Variants in RPRD1B observed in about 807,000 individuals in gnomAD.
RPRD1B encodes regulation of nuclear pre-mRNA domain containing 1B, also known as regulation of nuclear pre-mRNA domain-containing protein 1B.
Under a neutral mutation model 41.5 loss-of-function variants are expected in RPRD1B, and 11 were observed. That is an observed-to-expected ratio of 0.27 (90% CI 0.17 to 0.44). RPRD1B has a LOEUF of 0.44. Among genes scored for constraint, RPRD1B ranks in the 20% least tolerant of loss-of-function variants. The pLI, the probability that RPRD1B is intolerant of heterozygous loss-of-function variation, is 1.00. For missense variants in RPRD1B, 248 were observed against 389.9 expected, an observed-to-expected ratio of 0.64 and a Z score of 3.06; for synonymous variants, 158 against 155.6, an observed-to-expected ratio of 1.02 and a Z score of -0.12.
intron 1 of RPRD1B, among the ~76,000 whole-genome samples, chr20:38,035,324 G>C (rs1006597879): frequency 1.3e-5 from 2 of 152,228 alleles, no homozygotes; most frequent in African/African-American, 4.8e-5. Flanking sequence ...CCTATATGTG[G>C]TAGGCCTTTA....
intron 3 of RPRD1B, among the ~76,000 whole-genome samples, chr20:38,049,424 G>A (rs1600398583): frequency 7.6e-6 from 1 of 131,658 alleles, no homozygotes; most frequent in East Asian, 2.3e-4. Context: ...GGGCTGGAGT[G>A]CGGTGGTATG....
chr20:38,064,357 G>C (rs887815628), intron 5 of RPRD1B, among the ~76,000 whole-genome samples: 1 of 152,192 alleles, frequency 6.6e-6, no homozygotes, highest in Non-Finnish European at 1.5e-5. Context: ...CTGTTTGCCA[G>C]AGATACTGTG....
intron 6 of RPRD1B, chr20:38,070,756 T>C: frequency 8.3e-6 from 8 of 961,262 alleles, no homozygotes; most frequent in Non-Finnish European, 9.9e-6. Flanking sequence ...TTTTTTTTTT[T>C]TGAGACAGAC....
chr20:38,052,828 G>T (rs560144438), intron 3 of RPRD1B, among the ~76,000 whole-genome samples: 1 of 143,294 alleles, frequency 7.0e-6, no homozygotes, highest in Non-Finnish European at 1.5e-5. Context: ...CCAGCTTTAC[G>T]GTAGATGGCT....
Position 38,068,100 on chromosome 20 carries a change from G to A in RPRD1B, c.831+1844G>A, listed in dbSNP as rs115773431. The stretch of plus-strand genomic sequence containing the variant: ...AATCATTCTGGTTTTTGTAGAACTA[G>A]TGGTTTGCTGGACGCCACGAGAGGG... On this transcript the variant is annotated intron_variant, in intron 6 of 6. Transcript: ENST00000373433. Among the ~76,000 whole-genome samples, 309 of 152,344 alleles carry A rather than the reference G, an allele frequency of 2.0e-3. 2 individuals are homozygous for A. Among genetic ancestry groups the A allele is most frequent in the African/African-American group, 7.2e-3 (301 of 41,584 alleles).
intron 2 of RPRD1B, among the ~76,000 whole-genome samples, chr20:38,042,429 AG>A (rs561586020): frequency 1.3e-5 from 2 of 152,248 alleles, no homozygotes; most frequent in South Asian, 4.2e-4. Context: ...GGGGTGGAAA[AG>A]GGGGTGGGCA....
In RPRD1B at chr20:38,091,855, G is replaced by A; in HGVS notation, c.*1980G>A. 1 of 985,800 alleles carries A rather than the reference G, an allele frequency of 1.0e-6. No homozygotes were observed. The highest frequency in any genetic ancestry group is 4.7e-5 in the South Asian group (1 of 21,288). 61.1% of individuals were successfully genotyped at this position (985,800 alleles called of 1,614,324 possible). A position where few individuals can be genotyped will look rare whatever the true frequency, so the allele number is the denominator to read the frequency against. On this transcript the variant is annotated 3_prime_UTR_variant, in exon 7 of 7. Transcript: ENST00000373433. ...ACTGAGTCTCTGACCAGCAATTGGT[G>A]CATAATTATTACAGCAAAAGTTAAG...
At chr20:38,051,206 C>A (rs2074181593) in intron 3 of RPRD1B, among the ~76,000 whole-genome samples, 1 of 152,142 alleles carries the variant, frequency 6.6e-6, no homozygotes, top group Non-Finnish European at 1.5e-5. Context: ...TCACACTGTA[C>A]CCTATAAATA....
intron 2 of RPRD1B, among the ~76,000 whole-genome samples, chr20:38,040,766 C>G (rs2074058210): frequency 6.6e-6 from 1 of 152,156 alleles, no homozygotes; most frequent in Non-Finnish European, 1.5e-5. Context: ...TTGAGAGATT[C>G]AGCCTAGCAT....
rs552275646 is a variant in RPRD1B, at chr20:38,090,353, A to C, written c.*478A>C. 1.0e-6 allele frequency: 1 copy of C among 986,560 alleles called. No individual in the cohort carries two copies. The highest frequency in any genetic ancestry group is 1.1e-4 in the East Asian group (1 of 8,818). 61.1% of individuals were successfully genotyped at this position (986,560 alleles called of 1,614,324 possible). ...TGGCTTTCCCAGCTGCATCTGCCCC[A>C]AAAGGTTGTAGGCACAGCTGTCGTA... On this transcript the variant is annotated 3_prime_UTR_variant, in exon 7 of 7. Coordinates refer to ENST00000373433, the MANE Select transcript of RPRD1B (RefSeq NM_021215.4).
chr20:38,040,354 T>A (rs2074053840), intron 1 of RPRD1B, 81 bp from the exon 2 acceptor site: 1 of 1,196,218 alleles, frequency 8.4e-7, no homozygotes, highest in Non-Finnish European at 1.1e-6. Context: ...AATGTTTTTT[T>A]AGGAGCAGCC....
intron 6 of RPRD1B, among the ~76,000 whole-genome samples, chr20:38,086,686 T>G (rs908673179): frequency 1.3e-5 from 2 of 152,314 alleles, no homozygotes; most frequent in Non-Finnish European, 2.9e-5. Context: ...TCTCCCTCTT[T>G]CTTTCTCTAG....
chr20:38,089,876 G>A lies in RPRD1B; in HGVS notation c.*1G>A, dbSNP rs1399427887. 1 of 1,610,076 alleles carries A rather than the reference G, an allele frequency of 6.2e-7. No individual in the cohort carries two copies. The highest frequency in any genetic ancestry group is 1.3e-5 in the African/African-American group (1 of 74,548). On this transcript the variant is annotated 3_prime_UTR_variant, in exon 7 of 7. Coordinates refer to ENST00000373433, the MANE Select transcript of RPRD1B (RefSeq NM_021215.4). ...TGGGGACCTGTTTTCAACTGACTAG[G>A]ATGGGTGTCATGTCCCAGATTTCTG...
chr20:38,084,212 T>A (rs1057359345), intron 6 of RPRD1B, among the ~76,000 whole-genome samples: 2 of 152,122 alleles, frequency 1.3e-5, no homozygotes, highest in African/African-American at 4.8e-5. Flanking sequence ...ACCTCCATAC[T>A]ATGAAGCAGT....
chr20:38,082,512 G>A (rs543267196), intron 6 of RPRD1B, among the ~76,000 whole-genome samples: 11 of 152,114 alleles, frequency 7.2e-5, no homozygotes, highest in African/African-American at 1.7e-4. Flanking sequence ...TCAGCCTCCC[G>A]AGCAGCTGGG....
intron 5 of RPRD1B, among the ~76,000 whole-genome samples, chr20:38,065,607 T>C (rs1345467261): frequency 6.6e-6 from 1 of 152,254 alleles, no homozygotes; most frequent in Non-Finnish European, 1.5e-5. Flanking sequence ...ATTGGGTTTT[T>C]AATTGTTATT....
intron 2 of RPRD1B, among the ~76,000 whole-genome samples, chr20:38,041,506 C>G (rs868124801): frequency 6.6e-6 from 1 of 152,200 alleles, no homozygotes. Context: ...GGATAAGTTA[C>G]ATAACTGGCT....
Position 38,090,232 on chromosome 20 carries a change from T to C in RPRD1B, c.*357T>C. 1.0e-6 allele frequency: 1 copy of C among 998,746 alleles called. No homozygotes were observed. The highest frequency in any genetic ancestry group is 4.6e-5 in the South Asian group (1 of 21,842). 61.9% of individuals were successfully genotyped at this position (998,746 alleles called of 1,614,324 possible). On this transcript the variant is annotated 3_prime_UTR_variant, in exon 7 of 7. Transcript: ENST00000373433. ...GCTTTCGAAAGAATCTTGTCCCTCA[T>C]GACAGCATTTTATCATGAAAGCAGC...
Position 38,036,944 on chromosome 20 carries a change from C to T in RPRD1B, c.151+2846C>T, listed in dbSNP as rs184802185. 4.4e-3 allele frequency among the ~76,000 whole-genome samples: 665 copies of T among 152,266 alleles called. 4 individuals are homozygous for T. The highest frequency in any genetic ancestry group is 0.015 in the African/African-American group (614 of 41,538). On this transcript the variant is annotated intron_variant, in intron 1 of 6. Coordinates refer to ENST00000373433, the MANE Select transcript of RPRD1B (RefSeq NM_021215.4). ...GACAGTGCAGAGTTAAAAAAAGATG[C>T]TCTTCCAAGCATCAATACCTAGCTT...
Sources: allele counts gnomAD v4.1 joint callset (sites outside exome capture counted in the v4.1 genomes callset), GRCh38; gene constraint gnomAD v4.1.1; transcripts MANE v1.5; gene names NCBI Gene and HGNC (gene_info 2026-07-23, HGNC 2026-07-21).